KCNT1: variants seen among roughly 807,000 people sequenced by gnomAD.
KCNT1 encodes potassium channel subfamily T member 1.
KCNT1 carries 78 observed loss-of-function variants against 147.8 expected under a neutral mutation model. The ratio of observed to expected loss-of-function variants is 0.53; its 90% CI spans 0.44 to 0.64. KCNT1 has a LOEUF of 0.64. KCNT1 is among the 30% of genes least tolerant of loss of function. The pLI is 0.00. For missense variants in KCNT1, 1,419 were observed against 1,750.3 expected, an observed-to-expected ratio of 0.81 and a Z score of 3.38; for synonymous variants, 867 against 748.8, an observed-to-expected ratio of 1.16 and a Z score of -2.58.
intron 19 of KCNT1, among the ~76,000 whole-genome samples, chr9:135,773,216 G>T (rs1281747530): frequency 1.3e-5 from 2 of 152,196 alleles, no homozygotes; most frequent in Non-Finnish European, 2.9e-5. Context: ...GGGGCTGGGG[G>T]TGCAGAGCTA....
At position 135,702,351 on chromosome 9, in the gene KCNT1, C is replaced by T. The variant is rs145033597; in HGVS notation, c.93C>T (p.Asp31=). 8.1e-6 allele frequency: 13 copies of T among 1,611,158 alleles called. No homozygotes were observed. The South Asian group carries it at 9.9e-5, about 12-fold the overall frequency. ...CCAACCGGACCTTCGAGTTTGACGA[C>T]GGCCAATGCGCCCCCAGGTACAGTC... The part of the protein sequence containing the change: ...GYTNRTFEFD[D]GQCAPRRPCA... Residue 31 remains aspartate (D), a synonymous_variant, in exon 1 of 31, where the codon GAC becomes GAT. Coordinates refer to ENST00000371757, the MANE Select transcript of KCNT1 (RefSeq NM_020822.3).
intron 15 of KCNT1, among the ~76,000 whole-genome samples, 190 bp downstream of exon 15, chr9:135,769,127 G>A (rs114612465): frequency 2.9e-4 from 19 of 66,482 alleles, no homozygotes; most frequent in South Asian, 4.9e-4. Context: ...GTGTCGGTGC[G>A]TCTGGGGCAG....
chr9:135,721,002 C>T (rs539503259), intron 2 of KCNT1, among the ~76,000 whole-genome samples: 3 of 152,222 alleles, frequency 2.0e-5, no homozygotes, highest in African/African-American at 4.8e-5. Flanking sequence ...GAGGGACACA[C>T]GGCCGAGCCC....
chr9:135,769,790 C>T (rs1832617529), intron 15 of KCNT1, among the ~76,000 whole-genome samples, 157 bp from the exon 16 acceptor site: 2 of 152,180 alleles, frequency 1.3e-5, no homozygotes, highest in Non-Finnish European at 2.9e-5. Context: ...TTGAGGTCCA[C>T]AGACTCTCGG....
At chr9:135,743,125 C>T (rs891824431) in intron 2 of KCNT1, among the ~76,000 whole-genome samples, 9 of 152,074 alleles carry the variant, frequency 5.9e-5, no homozygotes, top group African/African-American at 2.2e-4. Flanking sequence ...CAGGGACAGG[C>T]AGGCAGGCAG....
intron 24 of KCNT1, among the ~76,000 whole-genome samples, chr9:135,780,875 G>A (rs1392973127): frequency 6.6e-6 from 1 of 152,226 alleles, no homozygotes; most frequent in African/African-American, 2.4e-5. Context: ...ACCCTGTGTG[G>A]ACAGGGATGC....
chr9:135,767,480 C>A (rs151236914), intron 13 of KCNT1, among the ~76,000 whole-genome samples: 1 of 152,108 alleles, frequency 6.6e-6, no homozygotes, highest in Non-Finnish European at 1.5e-5. Context: ...ACCCAGGAGG[C>A]GCTGGAAGTG....
intron 1 of KCNT1, among the ~76,000 whole-genome samples, chr9:135,710,488 G>A (rs1192424505): frequency 1.3e-5 from 2 of 152,152 alleles, no homozygotes; most frequent in Admixed American, 6.5e-5. Context: ...ATTTGCAACC[G>A]TGACTTGAGT....
chr9:135,771,086 G>A lies in KCNT1; in HGVS notation c.1999G>A (p.Ala667Thr), dbSNP rs781725359. 8 of 1,610,158 alleles carry A rather than the reference G, an allele frequency of 5.0e-6. No individual in the cohort carries two copies. Among genetic ancestry groups the A allele is most frequent in the East Asian group, 2.2e-5 (1 of 44,784 alleles). ...PARLPVHSII[A>T]SMGTVAMDLQ... Reference sequence around the variant, plus strand: ...CCGCCTGCCCGTGCACAGCATCATCGCCTCCATGGGTGAGCCGGGACAGGC... The same window carrying A: ...CCGCCTGCCCGTGCACAGCATCATCACCTCCATGGGTGAGCCGGGACAGGC... Residue 667 changes from alanine (A) to threonine (T), a missense_variant, in exon 18 of 31, where the codon GCC (alanine) becomes ACC (threonine). Transcript: ENST00000371757.
rs1836385015 is a variant in KCNT1 at position 135,730,426 on chromosome 9, G to A, written c.254+15706G>A. On this transcript the variant is annotated intron_variant, in intron 2 of 30. Transcript: ENST00000371757. The surrounding 1 kb of genome is among the most constrained non-coding windows in gnomAD (Gnocchi z 4.7). ...TGATTAAGTGGAGGGCCTTGAAGATGGGAAATTATCGTGGATGATCTGGGT... is the reference window on the plus strand; with the variant it reads ...TGATTAAGTGGAGGGCCTTGAAGATAGGAAATTATCGTGGATGATCTGGGT... Among the ~76,000 whole-genome samples the A allele has an allele frequency of 6.6e-6, 1 of 152,214 alleles. No individual in the cohort carries two copies. Among genetic ancestry groups the A allele is most frequent in the African/African-American group, 2.4e-5 (1 of 41,456 alleles).
chr9:135,741,691 C>A (rs1830575114), intron 2 of KCNT1, among the ~76,000 whole-genome samples: 1 of 152,250 alleles, frequency 6.6e-6, no homozygotes, highest in Admixed American at 6.5e-5. Context: ...CACCTGCCCA[C>A]CCGGAGAGCC....
chr9:135,774,854 T>G (rs56179819), intron 19 of KCNT1, among the ~76,000 whole-genome samples: 2 of 151,836 alleles, frequency 1.3e-5, no homozygotes, highest in Admixed American at 6.6e-5. Context: ...GCCACCCCCT[T>G]CCACACCTGG....
chr9:135,729,375 T>A (rs1489977016), intron 2 of KCNT1, among the ~76,000 whole-genome samples: 1 of 151,990 alleles, frequency 6.6e-6, no homozygotes, highest in African/African-American at 2.4e-5. Context: ...AGAAAGGGGG[T>A]CCTCTGTCCC....
chr9:135,787,237 CCTCT>C (rs955678235), intron 29 of KCNT1, among the ~76,000 whole-genome samples: 1 of 152,238 alleles, frequency 6.6e-6, no homozygotes, highest in Non-Finnish European at 1.5e-5. Context: ...CGTGCAGCCC[CCTCT>C]CTCTGCGCCT....
intron 15 of KCNT1, 130 bp downstream of exon 15, chr9:135,769,067 G>T (rs1832537787): frequency 1.4e-6 from 1 of 709,372 alleles, no homozygotes; most frequent in South Asian, 1.8e-5. Flanking sequence ...GGACGCGTGT[G>T]CACACGTGGG....
chr9:135,774,117 G>A lies in KCNT1; in HGVS notation c.2243+1168G>A, dbSNP rs533414087. 4.6e-5 allele frequency among the ~76,000 whole-genome samples: 7 copies of A among 151,702 alleles called. No homozygotes were observed. In the South Asian group the frequency reaches 6.3e-4, roughly 14 times the overall value. ...TTGTGTGTCAACGTGTGTTTGTCAC[G>A]TGTGGTGTGTGTTGTGTGATATGTG... is the stretch of plus-strand genomic sequence containing the variant. On this transcript the variant is annotated intron_variant, in intron 19 of 30. Coordinates refer to ENST00000371757, the MANE Select transcript of KCNT1 (RefSeq NM_020822.3).
chr9:135,778,392 G>A (rs1441792609), intron 21 of KCNT1, 32 bp from the exon 22 acceptor site: 7 of 1,545,392 alleles, frequency 4.5e-6, no homozygotes, highest in Middle Eastern at 1.8e-4. Context: ...CTTGAAGCAG[G>A]GTGGGCCCCT....
Position 135,714,633 on chromosome 9 carries a change from ACCTGGACT to A in KCNT1, c.170_177del (p.Leu57ArgfsTer79). ...GACACCGCCGGCTTCAAGATGAGCGACCTGGACTCCGAGGTGCTGCCCTTGCCGCCGCG... is the reference window on the plus strand; with the variant it reads ...GACACCGCCGGCTTCAAGATGAGCGACCGAGGTGCTGCCCTTGCCGCCGCG... On this transcript the variant is annotated frameshift_variant, in exon 2 of 31. Coordinates refer to ENST00000371757, the MANE Select transcript of KCNT1 (RefSeq NM_020822.3). LOFTEE classifies it high-confidence loss of function. The surrounding 1 kb of genome is among the most constrained non-coding windows in gnomAD (Gnocchi z 6.2). 1 of 1,469,592 alleles carries A rather than the reference ACCTGGACT, an allele frequency of 6.8e-7. No individual in the cohort carries two copies. The allele number at this position is 1,469,592 out of a possible 1,614,324, so 91.0% of individuals were successfully genotyped here. A position where few individuals can be genotyped will look rare whatever the true frequency, so the allele number is the denominator to read the frequency against.
At chr9:135,708,809 T>C (rs1247810750) in intron 1 of KCNT1, among the ~76,000 whole-genome samples, 1 of 152,206 alleles carries the variant, frequency 6.6e-6, no homozygotes, top group Non-Finnish European at 1.5e-5. Flanking sequence ...GCTCCCAGAA[T>C]GCTGGAATTA....
Sources: gnomAD v4.1 joint callset for allele counts (sites outside exome capture counted in the v4.1 genomes callset) on GRCh38, gnomAD v4.1.1 for gene constraint, Gnocchi (gnomAD v3.1) non-coding constraint, MANE v1.5 for transcripts, NCBI Gene and HGNC (gene_info 2026-07-23, HGNC 2026-07-21) for gene names.